VPS41: variants seen among roughly 807,000 people sequenced by gnomAD.
VPS41 encodes the protein vacuolar protein sorting-associated protein 41 homolog.
VPS41 carries 85 observed loss-of-function variants against 130.9 expected under a neutral mutation model. The observed-to-expected ratio is 0.65, with a 90% CI of 0.55 to 0.78. VPS41 has a LOEUF of 0.78. Ranked by LOEUF, VPS41 falls within the 30% of genes least tolerant of loss-of-function variation. The pLI, the probability that VPS41 is intolerant of heterozygous loss-of-function variation, is 0.00. For synonymous variants in VPS41, 335 were observed against 332.9 expected (o/e 1.01, Z -0.07); for missense variants, 874 against 1,018.7 (o/e 0.86, Z 1.93).
intron 7 of VPS41, among the ~76,000 whole-genome samples, chr7:38,812,105 C>T (rs932692856): frequency 6.6e-6 from 1 of 152,104 alleles, no homozygotes; most frequent in Admixed American, 6.5e-5. Flanking sequence ...ACAACCTCAA[C>T]TGTAAATTGA....
chr7:38,791,592 T>G (rs913341754), intron 9 of VPS41, among the ~76,000 whole-genome samples: 2 of 152,042 alleles, frequency 1.3e-5, no homozygotes, highest in Non-Finnish European at 2.9e-5. Context: ...GACATGTAAG[T>G]TGAAGCAGGA....
chr7:38,855,163 T>C (rs147855431), intron 4 of VPS41, among the ~76,000 whole-genome samples: 2,215 of 146,104 alleles, frequency 0.015, 61 homozygotes, highest in African/African-American at 0.053. Context: ...TGAGCTGAGA[T>C]TGCGCCACTG....
intron 5 of VPS41, among the ~76,000 whole-genome samples, chr7:38,822,781 C>T (rs1396407756): frequency 1.3e-5 from 2 of 152,190 alleles, no homozygotes; most frequent in Non-Finnish European, 1.5e-5. Context: ...TAATTATGCT[C>T]TCACCATGAG....
At chr7:38,891,735 T>C (rs1458122123) in intron 2 of VPS41, among the ~76,000 whole-genome samples, 1 of 152,188 alleles carries the variant, frequency 6.6e-6, no homozygotes, top group Non-Finnish European at 1.5e-5. Flanking sequence ...ACTTAAAAAT[T>C]AATGCCATTA....
chr7:38,860,850 C>A (rs1283268651), intron 4 of VPS41, among the ~76,000 whole-genome samples: 1 of 151,680 alleles, frequency 6.6e-6, no homozygotes, highest in Non-Finnish European at 1.5e-5. Context: ...CCAATGATCA[C>A]GAAAAAGCCA....
intron 6 of VPS41, among the ~76,000 whole-genome samples, chr7:38,820,953 GTGTGTA>G (rs1263788834): frequency 4.0e-5 from 6 of 151,384 alleles, no homozygotes; most frequent in Admixed American, 3.9e-4. Context: ...GTGCGTGTGT[GTGTGTA>G]TGTGTGTGTG....
intron 2 of VPS41, among the ~76,000 whole-genome samples, chr7:38,871,425 G>C (rs545481426): frequency 6.6e-6 from 1 of 152,290 alleles, no homozygotes; most frequent in South Asian, 2.1e-4. Context: ...CAAGCATCAT[G>C]CTAGAGACTT....
intron 2 of VPS41, among the ~76,000 whole-genome samples, chr7:38,871,017 T>C (rs865832317): frequency 6.6e-6 from 1 of 151,984 alleles, no homozygotes; most frequent in African/African-American, 2.4e-5. Flanking sequence ...CTATGAGGCA[T>C]GTAGAACACA....
intron 10 of VPS41, among the ~76,000 whole-genome samples, chr7:38,787,411 C>G (rs1784459868): frequency 6.6e-6 from 1 of 152,074 alleles, no homozygotes; most frequent in South Asian, 2.1e-4. Context: ...TAGGCACAAA[C>G]CATAATCTAT....
chr7:38,792,603 G>A (rs1290899240), intron 9 of VPS41, among the ~76,000 whole-genome samples: 2 of 152,130 alleles, frequency 1.3e-5, no homozygotes, highest in Admixed American at 1.3e-4. Context: ...TTATGGAGAT[G>A]ACTGCGGTAG....
intron 2 of VPS41, among the ~76,000 whole-genome samples, chr7:38,883,616 G>A (rs1408533252): frequency 6.6e-6 from 1 of 151,864 alleles, no homozygotes; most frequent in Non-Finnish European, 1.5e-5. Flanking sequence ...GTGTATCCTA[G>A]CATCTAGGAT....
intron 25 of VPS41, 70 bp from the exon 26 acceptor site, chr7:38,728,861 A>T: frequency 2.9e-6 from 4 of 1,367,794 alleles, no homozygotes; most frequent in Non-Finnish European, 4.1e-6. Context: ...GGGACACTGT[A>T]CTGGGGATTC....
intron 4 of VPS41, among the ~76,000 whole-genome samples, chr7:38,856,839 A>C (rs1375170891): frequency 6.6e-6 from 1 of 152,220 alleles, no homozygotes; most frequent in African/African-American, 2.4e-5. Flanking sequence ...GAGAGAAAAG[A>C]AGTCATCAAA....
rs370131252 is a variant in VPS41, at chr7:38,855,423, A to T, written c.246+7122T>A. Among the ~76,000 whole-genome samples the T allele has an allele frequency of 2.1e-3, 326 of 152,318 alleles. 2 individuals are homozygous for T. Among genetic ancestry groups the T allele is most frequent in the Non-Finnish European group, 3.7e-3 (253 of 68,034 alleles). On this transcript the variant is annotated intron_variant, in intron 4 of 28. Transcript: ENST00000310301. ...AAAGAGAAAAGAGGAGCTGATTTAT[A>T]TTAGAAATAAATTCTTCGCAGCCAA...
intron 22 of VPS41, among the ~76,000 whole-genome samples, chr7:38,748,686 T>C (rs146123745): frequency 2.0e-5 from 3 of 151,760 alleles, no homozygotes; most frequent in African/African-American, 2.4e-5. Flanking sequence ...CATCTGTAAA[T>C]TACAGGACAG....
rs140853804 is a variant in VPS41, at chr7:38,765,479, TC to T, written c.1329+100del. On this transcript the variant is annotated intron_variant, in intron 16 of 28. Coordinates refer to ENST00000310301, the MANE Select transcript of VPS41 (RefSeq NM_014396.4). ...TTTTTCTTTCCATCTGAGATAATAA[TC>T]ACGTCCTAAAAAAGAGCTGAGTACT... The T allele has an allele frequency of 0.069, 51,717 of 752,484 alleles. 2,206 individuals are homozygous for T. The highest frequency in any genetic ancestry group is 0.081 in the Non-Finnish European group (38,496 of 474,288). The allele number at this position is 752,484 out of a possible 1,614,324, so 46.6% of individuals were successfully genotyped here. A position where few individuals can be genotyped will look rare whatever the true frequency, so the allele number is the denominator to read the frequency against.
At chr7:38,742,906 C>A (rs1386435798) in intron 24 of VPS41, among the ~76,000 whole-genome samples, 1 of 152,028 alleles carries the variant, frequency 6.6e-6, no homozygotes, top group Admixed American at 6.6e-5. Context: ...TGAGGACCAA[C>A]AAATACAAAC....
chr7:38,860,168 T>G (rs1786075059), intron 4 of VPS41, among the ~76,000 whole-genome samples: 1 of 152,224 alleles, frequency 6.6e-6, no homozygotes, highest in Non-Finnish European at 1.5e-5. Context: ...GAACAGGATG[T>G]CAACCTAGGC....
intron 4 of VPS41, among the ~76,000 whole-genome samples, chr7:38,847,019 C>T (rs771009004): frequency 2.6e-5 from 4 of 152,132 alleles, no homozygotes; most frequent in Non-Finnish European, 5.9e-5. Flanking sequence ...TAGGAGACTT[C>T]ACCGTGTCTG....
Sources: allele counts gnomAD v4.1 joint callset (sites outside exome capture counted in the v4.1 genomes callset), GRCh38; gene constraint gnomAD v4.1.1; transcripts MANE v1.5; gene names NCBI Gene and HGNC (gene_info 2026-07-23, HGNC 2026-07-21).